Variants in MTF2 observed in about 807,000 individuals in gnomAD.
MTF2 encodes the protein metal-response element-binding transcription factor 2.
In MTF2, 11 loss-of-function variants were observed where a neutral mutation model predicts 79.5. The observed-to-expected ratio is 0.14, with a 90% CI of 0.09 to 0.23. MTF2 has a LOEUF of 0.23. Among genes scored for constraint, MTF2 ranks in the 10% least tolerant of loss-of-function variants. The pLI, the probability that MTF2 is intolerant of heterozygous loss-of-function variation, is 1.00. For synonymous variants in MTF2, 208 were observed against 232.8 expected, an observed-to-expected ratio of 0.89 and a Z score of 0.97; for missense variants, 486 against 711.2, an observed-to-expected ratio of 0.68 and a Z score of 3.60.
intron 1 of MTF2, among the ~76,000 whole-genome samples, chr1:93,091,704 C>T (rs1362172115): frequency 6.6e-6 from 1 of 152,200 alleles, no homozygotes; most frequent in African/African-American, 2.4e-5. Flanking sequence ...GATATGCCCT[C>T]AAAATACAGA....
chr1:93,101,900 A>G (rs1655561960), intron 1 of MTF2, among the ~76,000 whole-genome samples: 1 of 152,010 alleles, frequency 6.6e-6, no homozygotes, highest in Admixed American at 6.6e-5. Flanking sequence ...TTTTCAGTGT[A>G]CAGTTCACTG....
At chr1:93,101,573 T>TTTTTTTTTTTG (rs1655540168) in intron 1 of MTF2, among the ~76,000 whole-genome samples, 1 of 87,652 alleles carries the variant, frequency 1.1e-5, no homozygotes, top group Non-Finnish European at 2.2e-5. Context: ...GGCTGGTTTT[T>TTTTTTTTTTTG]TTTTTTTTTT....
intron 1 of MTF2, among the ~76,000 whole-genome samples, chr1:93,109,125 C>G (rs1459768370): frequency 6.6e-6 from 1 of 151,958 alleles, no homozygotes; most frequent in Non-Finnish European, 1.5e-5. Context: ...GAATTATTAT[C>G]TAGTTTTACA....
At chr1:93,123,222 T>G (rs1160453681) in intron 9 of MTF2, among the ~76,000 whole-genome samples, 1 of 150,196 alleles carries the variant, frequency 6.7e-6, no homozygotes, top group Non-Finnish European at 1.5e-5. Flanking sequence ...TTTTTTTTTT[T>G]TTTTTTTTTA....
intron 1 of MTF2, among the ~76,000 whole-genome samples, chr1:93,109,043 G>T (rs1417186429): frequency 2.6e-5 from 4 of 152,118 alleles, no homozygotes; most frequent in Admixed American, 2.6e-4. Flanking sequence ...CTAATACTTA[G>T]GAACTTTTTG....
chr1:93,095,356 T>C (rs539935169), intron 1 of MTF2, among the ~76,000 whole-genome samples: 12 of 152,306 alleles, frequency 7.9e-5, no homozygotes, highest in South Asian at 2.1e-4. Context: ...TATTTTATTT[T>C]TGAGATGGAG....
At position 93,134,013 on chromosome 1, in the gene MTF2, T is replaced by G; in HGVS notation, c.1319+33T>G. The G allele has an allele frequency of 3.2e-6, 5 of 1,554,820 alleles. No homozygotes were observed. In the South Asian group the frequency reaches 5.8e-5, roughly 18 times the overall value. On this transcript the variant is annotated intron_variant, in intron 13 of 14. Transcript: ENST00000370298. ...GAAAGTTATTTTCTCCCTTTCTAGG[T>G]TTTGTCTTTTGAGTAGATATTAATA...
At chr1:93,087,322 A>C (rs1042741768) in intron 1 of MTF2, among the ~76,000 whole-genome samples, 1 of 152,208 alleles carries the variant, frequency 6.6e-6, no homozygotes, top group African/African-American at 2.4e-5. Context: ...CTGTAATCCC[A>C]GCACTTTGGG....
intron 1 of MTF2, among the ~76,000 whole-genome samples, chr1:93,101,180 G>A (rs895857031): frequency 6.6e-6 from 1 of 152,052 alleles, no homozygotes; most frequent in Non-Finnish European, 1.5e-5. Flanking sequence ...TACTTATTCT[G>A]GGGTAGTAAA....
intron 1 of MTF2, among the ~76,000 whole-genome samples, chr1:93,105,512 A>C (rs1016968630): frequency 3.3e-5 from 5 of 152,198 alleles, no homozygotes; most frequent in Admixed American, 1.3e-4. Flanking sequence ...TAGTTTCCTC[A>C]TGTAAAAAGG....
chr1:93,111,510 C>CT (rs1172422577), intron 3 of MTF2, among the ~76,000 whole-genome samples: 1 of 152,066 alleles, frequency 6.6e-6, no homozygotes, highest in Non-Finnish European at 1.5e-5. Flanking sequence ...TAGTTCTTGA[C>CT]TTTACTCTTA....
intron 1 of MTF2, among the ~76,000 whole-genome samples, chr1:93,091,887 T>C (rs1016985333): frequency 1.6e-4 from 24 of 152,196 alleles, no homozygotes; most frequent in African/African-American, 5.5e-4. Context: ...TTCTGTTGTC[T>C]CATGTCAGAG....
intron 9 of MTF2, among the ~76,000 whole-genome samples, chr1:93,122,550 A>T (rs1656524508): frequency 6.6e-6 from 1 of 152,104 alleles, no homozygotes; most frequent in South Asian, 2.1e-4. Flanking sequence ...TACTAGAAAA[A>T]ATTTGCTTCA....
chr1:93,083,863 G>A (rs1315178525), intron 1 of MTF2, among the ~76,000 whole-genome samples: 1 of 152,144 alleles, frequency 6.6e-6, no homozygotes, highest in African/African-American at 2.4e-5. Context: ...TTGGCCATTT[G>A]TATACCTTCT....
In MTF2 at chr1:93,129,558, A is replaced by ATTT. The variant is rs200494793; in HGVS notation, c.1160+128_1160+130dup. ...GAAAGTACAAGTGGCAGTTACTCTG[A>ATTT]TTTTTTTTTTTTTTTTTTTTGGTCT... On this transcript the variant is annotated intron_variant, in intron 11 of 14. Transcript: ENST00000370298. 843 of 447,578 alleles carry ATTT rather than the reference A, an allele frequency of 1.9e-3. 2 individuals carry two copies. The highest frequency in any genetic ancestry group is 3.9e-3 in the Admixed American group (77 of 19,740). The allele number at this position is 447,578 out of a possible 1,614,324, so 27.7% of individuals were successfully genotyped here. A position where few individuals can be genotyped will look rare whatever the true frequency, so the allele number is the denominator to read the frequency against.
intron 1 of MTF2, among the ~76,000 whole-genome samples, chr1:93,082,273 C>CT (rs11380988): frequency 0.32 from 44,689 of 139,164 alleles, 7,008 homozygotes; most frequent in African/African-American, 0.36. Flanking sequence ...TGTAACCATT[C>CT]TTTTTTTTTT....
chr1:93,088,661 G>C (rs534328793), intron 1 of MTF2, among the ~76,000 whole-genome samples: 72 of 152,254 alleles, frequency 4.7e-4, no homozygotes, highest in Middle Eastern at 3.4e-3. Flanking sequence ...TGCCTCCTGG[G>C]TTCAAGCAAT....
intron 3 of MTF2, 86 bp downstream of exon 3, chr1:93,110,712 T>A: frequency 9.2e-7 from 1 of 1,086,346 alleles, no homozygotes; most frequent in Non-Finnish European, 1.4e-6. Context: ...GTCTGTTGAA[T>A]ACAGTGTATT....
At chr1:93,105,718 C>G (rs1465557591) in intron 1 of MTF2, among the ~76,000 whole-genome samples, 1 of 151,948 alleles carries the variant, frequency 6.6e-6, no homozygotes, top group African/African-American at 2.4e-5. Flanking sequence ...TCTTTTCACC[C>G]AGGCTGGAGT....
Sources: gnomAD v4.1 joint callset for allele counts (sites outside exome capture counted in the v4.1 genomes callset) on GRCh38, gnomAD v4.1.1 for gene constraint, MANE v1.5 for transcripts, NCBI Gene and HGNC (gene_info 2026-07-23, HGNC 2026-07-21) for gene names.